ERC2: variants seen among roughly 807,000 people sequenced by gnomAD.
ERC2 encodes the protein ELKS/RAB6-interacting/CAST family member 2.
Under a neutral mutation model 114.8 loss-of-function variants are expected in ERC2, and 42 were observed. The observed-to-expected ratio is 0.37, with a 90% confidence interval of 0.29 to 0.47. ERC2 has a LOEUF of 0.47. ERC2 is among the 20% of genes least tolerant of loss of function. The pLI, the probability that ERC2 is intolerant of heterozygous loss-of-function variation, is 0.99. For synonymous variants in ERC2, 454 were observed against 425.5 expected, an observed-to-expected ratio of 1.07 and a Z score of -0.82; for missense variants, 939 against 1,150.7, an observed-to-expected ratio of 0.82 and a Z score of 2.66.
At chr3:55,557,720 C>T (rs2055716380) in intron 17 of ERC2, among the ~76,000 whole-genome samples, 1 of 152,244 alleles carries the variant, frequency 6.6e-6, no homozygotes. Flanking sequence ...TCCCTGCCAA[C>T]CTCTTCTCAC....
At chr3:55,797,715 C>CAT (rs984378535) in intron 14 of ERC2, among the ~76,000 whole-genome samples, 4 of 151,990 alleles carry the variant, frequency 2.6e-5, no homozygotes, top group Admixed American at 1.3e-4. Flanking sequence ...GCATATTATG[C>CAT]ATATATATAT....
chr3:55,810,421 GT>G (rs2059669712), intron 14 of ERC2, among the ~76,000 whole-genome samples: 1 of 151,022 alleles, frequency 6.6e-6, no homozygotes. Context: ...AGTAACCTGA[GT>G]TTTTTTCACT....
At chr3:55,743,514 A>C (rs9825583) in intron 14 of ERC2, among the ~76,000 whole-genome samples, 33,175 of 146,880 alleles carry the variant, frequency 0.23, 4,235 homozygotes, top group Admixed American at 0.32. Context: ...AAGGCAATGA[A>C]GGATGGGAGG....
chr3:55,915,356 A>T (rs938225344), intron 13 of ERC2, among the ~76,000 whole-genome samples: 2 of 152,204 alleles, frequency 1.3e-5, no homozygotes, highest in African/African-American at 4.8e-5. Flanking sequence ...AATTAAAAAA[A>T]AAGTCTGCAG....
At chr3:56,240,800 G>A (rs554822342) in intron 3 of ERC2, among the ~76,000 whole-genome samples, 40 of 152,234 alleles carry the variant, frequency 2.6e-4, no homozygotes, top group South Asian at 1.9e-3. Context: ...ATGGAAAAAC[G>A]AATGACTTTA....
At chr3:56,140,789 G>A (rs1309894762) in intron 5 of ERC2, among the ~76,000 whole-genome samples, 1 of 152,028 alleles carries the variant, frequency 6.6e-6, no homozygotes, top group African/African-American at 2.4e-5. Context: ...ACTTTGGGAG[G>A]CCAAGGCAGG....
intron 2 of ERC2, among the ~76,000 whole-genome samples, chr3:56,376,979 T>C (rs6764375): frequency 0.34 from 51,479 of 151,872 alleles, 8,927 homozygotes; most frequent in African/African-American, 0.38. Context: ...AAGAAGCACA[T>C]GTAATTATAA....
intron 17 of ERC2, among the ~76,000 whole-genome samples, chr3:55,550,740 G>A (rs1432034862): frequency 2.0e-5 from 3 of 152,172 alleles, no homozygotes; most frequent in South Asian, 2.1e-4. Flanking sequence ...ATAGGGGCCG[G>A]GCGCAGTGGC....
chr3:56,066,478 C>A (rs547205783), intron 7 of ERC2, among the ~76,000 whole-genome samples: 5 of 152,216 alleles, frequency 3.3e-5, no homozygotes, highest in African/African-American at 9.6e-5. Context: ...GGGTGGATTG[C>A]AAAAGTTTTC....
chr3:56,448,691 T>G (rs1054631320), intron 1 of ERC2, among the ~76,000 whole-genome samples: 2 of 152,180 alleles, frequency 1.3e-5, no homozygotes, highest in Admixed American at 6.5e-5. Flanking sequence ...TCATAACTAC[T>G]CAACTCTGCC....
At chr3:55,642,014 C>T (rs2060205647) in intron 17 of ERC2, among the ~76,000 whole-genome samples, 1 of 152,178 alleles carries the variant, frequency 6.6e-6, no homozygotes, top group African/African-American at 2.4e-5. Flanking sequence ...ATGCAATGTT[C>T]CCTTACTCCC....
intron 14 of ERC2, among the ~76,000 whole-genome samples, chr3:55,886,587 G>C (rs1218632031): frequency 6.6e-6 from 1 of 152,074 alleles, no homozygotes; most frequent in Non-Finnish European, 1.5e-5. Context: ...TTTCCACTTT[G>C]AATATTGCTG....
chr3:55,726,040 G>A (rs939441232), intron 15 of ERC2, among the ~76,000 whole-genome samples: 4 of 152,176 alleles, frequency 2.6e-5, no homozygotes, highest in Non-Finnish European at 4.4e-5. Flanking sequence ...CCAGATCTGA[G>A]TATTTCTTTT....
intron 17 of ERC2, among the ~76,000 whole-genome samples, chr3:55,660,622 G>A (rs2061087156): frequency 1.3e-5 from 2 of 152,306 alleles, no homozygotes; most frequent in South Asian, 4.1e-4. Flanking sequence ...AGTTGTGAGT[G>A]TTTAGCAGGA....
intron 2 of ERC2, chr3:56,434,114 C>A (rs941685425): frequency 3.8e-6 from 2 of 526,584 alleles, no homozygotes; most frequent in Non-Finnish European, 3.3e-6. Context: ...CCTCCCCACC[C>A]CACCCCTCTC....
intron 7 of ERC2, among the ~76,000 whole-genome samples, chr3:56,076,082 T>A (rs894594964): frequency 1.2e-4 from 18 of 152,252 alleles, no homozygotes; most frequent in Admixed American, 4.6e-4. Flanking sequence ...GCCAACTCCA[T>A]TCACCCCTCT....
chr3:55,531,727 C>T (rs2053679775), intron 17 of ERC2, among the ~76,000 whole-genome samples: 1 of 152,188 alleles, frequency 6.6e-6, no homozygotes, highest in Non-Finnish European at 1.5e-5. Context: ...TTCAGCTCAG[C>T]GATAGAAATG....
At chr3:55,792,998 G>A (rs2070173389) in intron 14 of ERC2, among the ~76,000 whole-genome samples, 1 of 152,110 alleles carries the variant, frequency 6.6e-6, no homozygotes, top group Non-Finnish European at 1.5e-5. Flanking sequence ...TGAGCCCTGG[G>A]GAGTATATAG....
chr3:56,341,119 A>G (rs1026452446), intron 2 of ERC2, among the ~76,000 whole-genome samples: 2 of 152,188 alleles, frequency 1.3e-5, no homozygotes, highest in Non-Finnish European at 2.9e-5. Context: ...TTATTTAAAA[A>G]TTAAAACAGA....
Sources: allele counts gnomAD v4.1 joint callset (sites outside exome capture counted in the v4.1 genomes callset), GRCh38; gene constraint gnomAD v4.1.1; transcripts MANE v1.5; gene names NCBI Gene and HGNC (gene_info 2026-07-23, HGNC 2026-07-21).